NSMCE1: variants seen among roughly 807,000 people sequenced by gnomAD.
The protein encoded by NSMCE1 is NSE1 component of SMC5/6 complex.
Under a neutral mutation model 29.6 loss-of-function variants are expected in NSMCE1, and 18 were observed. The ratio of observed to expected loss-of-function variants is 0.61; its 90% confidence interval spans 0.42 to 0.90. The LOEUF (loss-of-function observed/expected upper bound fraction) is 0.90. Among genes scored for constraint, NSMCE1 ranks in the 40% least tolerant of loss-of-function variants. NSMCE1 has a pLI of 0.00. For missense variants in NSMCE1, 314 were observed against 343.6 expected, an observed-to-expected ratio of 0.91 and a Z score of 0.68; for synonymous variants, 124 against 133.4, an observed-to-expected ratio of 0.93 and a Z score of 0.49.
intron 2 of NSMCE1, among the ~76,000 whole-genome samples, chr16:27,256,182 T>C (rs1032731307): frequency 6.6e-6 from 1 of 152,160 alleles, no homozygotes; most frequent in African/African-American, 2.4e-5. Context: ...ATCTTTTTCT[T>C]TTGAAAATTA....
At chr16:27,258,546 T>G (rs1274534681) in intron 1 of NSMCE1, among the ~76,000 whole-genome samples, 1 of 152,232 alleles carries the variant, frequency 6.6e-6, no homozygotes, top group African/African-American at 2.4e-5. Flanking sequence ...CACTGGTGCC[T>G]TGGGCAAATA....
rs1449608950 is a variant in NSMCE1, at chr16:27,232,564, A to T, written c.483+437T>A. The stretch of plus-strand genomic sequence containing the variant: ...ACCGAGCACATTACTGTGAGGTCCC[A>T]TTCCCGCTCCTGACACACCCAGCCC... On this transcript the variant is annotated intron_variant, in intron 5 of 7. Coordinates refer to ENST00000361439, the MANE Select transcript of NSMCE1 (RefSeq NM_145080.4). The surrounding 1 kb of genome is among the most constrained non-coding windows in gnomAD (Gnocchi z 4.5). Among the ~76,000 whole-genome samples, 1 of 152,222 alleles carries T rather than the reference A, an allele frequency of 6.6e-6. No individual in the cohort carries two copies. Among genetic ancestry groups the T allele is most frequent in the Non-Finnish European group, 1.5e-5 (1 of 68,038 alleles).
intron 2 of NSMCE1, among the ~76,000 whole-genome samples, chr16:27,247,184 T>C (rs1308693349): frequency 6.6e-6 from 1 of 152,198 alleles, no homozygotes; most frequent in African/African-American, 2.4e-5. Flanking sequence ...AATCCAAACA[T>C]GTCATGGGAG....
intron 2 of NSMCE1, among the ~76,000 whole-genome samples, chr16:27,252,894 G>A (rs1275807465): frequency 6.6e-6 from 1 of 152,132 alleles, no homozygotes; most frequent in Non-Finnish European, 1.5e-5. Context: ...ACTCCAGCCT[G>A]GGCGACAAGA....
intron 4 of NSMCE1, 85 bp from the exon 5 acceptor site, chr16:27,233,232 C>G: frequency 8.8e-7 from 1 of 1,142,608 alleles, no homozygotes; most frequent in Non-Finnish European, 1.3e-6. Flanking sequence ...GGCAGAGGCA[C>G]AGTAAAACCA....
chr16:27,240,736 G>A (rs1411984858), intron 2 of NSMCE1, among the ~76,000 whole-genome samples: 1 of 152,188 alleles, frequency 6.6e-6, no homozygotes, highest in Non-Finnish European at 1.5e-5. Flanking sequence ...GAGAGATTTT[G>A]TTTTGGACTA....
intron 2 of NSMCE1, 118 bp from the exon 3 acceptor site, chr16:27,235,417 T>C: frequency 8.7e-7 from 1 of 1,143,856 alleles, no homozygotes; most frequent in Non-Finnish European, 1.3e-6. Flanking sequence ...CAGACATGGG[T>C]GGAGGCTGCA....
chr16:27,228,133 T>A (rs533238534), intron 5 of NSMCE1, among the ~76,000 whole-genome samples: 1 of 151,938 alleles, frequency 6.6e-6, no homozygotes, highest in South Asian at 2.1e-4. Context: ...CCCACCTTCA[T>A]CCCCACAGTG....
intron 3 of NSMCE1, 73 bp from the exon 4 acceptor site, chr16:27,234,338 C>T: frequency 1.0e-6 from 1 of 969,236 alleles, no homozygotes; most frequent in African/African-American, 1.6e-5. Flanking sequence ...GGCTCTCCCT[C>T]CCTCCCCTCC....
intron 2 of NSMCE1, among the ~76,000 whole-genome samples, chr16:27,250,337 T>C (rs2084010990): frequency 6.6e-6 from 1 of 152,250 alleles, no homozygotes; most frequent in Non-Finnish European, 1.5e-5. Context: ...GGGAAAAGTA[T>C]TCAGTCTTTC....
intron 7 of NSMCE1, among the ~76,000 whole-genome samples, chr16:27,225,479 G>A (rs1006229499): frequency 8.5e-5 from 13 of 152,248 alleles, no homozygotes; most frequent in African/African-American, 3.1e-4. Context: ...GCCAGAGAGA[G>A]AGCCTTGTCT....
chr16:27,261,424 G>A (rs1018944271), intron 1 of NSMCE1, among the ~76,000 whole-genome samples: 2 of 151,640 alleles, frequency 1.3e-5, no homozygotes, highest in Admixed American at 1.3e-4. Flanking sequence ...ACAAATATCT[G>A]CAATTAACAT....
At chr16:27,264,738 TA>T (rs1567286558) in intron 1 of NSMCE1, among the ~76,000 whole-genome samples, 2 of 152,244 alleles carry the variant, frequency 1.3e-5, no homozygotes, top group East Asian at 3.9e-4. Context: ...TTAAGAGATA[TA>T]AAAAGTACAG....
intron 5 of NSMCE1, among the ~76,000 whole-genome samples, chr16:27,228,398 AGGCTGTCCTCGGTCCTCAGTCCTAT>A (rs902896897): frequency 2.6e-5 from 4 of 152,016 alleles, no homozygotes; most frequent in Non-Finnish European, 5.9e-5. Context: ...ACCAGCCCCC[AGGCTGTCCTCGGTCCTCAGTCCTAT>A]GGCTGTTACC....
chr16:27,264,405 T>C (rs964087466), intron 1 of NSMCE1, among the ~76,000 whole-genome samples: 2 of 151,974 alleles, frequency 1.3e-5, no homozygotes, highest in Non-Finnish European at 2.9e-5. Context: ...GCACTTCTTA[T>C]AAAGCTAGAG....
chr16:27,257,411 T>C, intron 2 of NSMCE1, 24 bp downstream of exon 2: 1 of 1,594,178 alleles, frequency 6.3e-7, no homozygotes, highest in Non-Finnish European at 8.6e-7. Context: ...CAGAGCGCCC[T>C]GGGAACAGGG....
intron 1 of NSMCE1, among the ~76,000 whole-genome samples, chr16:27,260,668 G>A (rs2084143959): frequency 6.6e-6 from 1 of 151,950 alleles, no homozygotes; most frequent in African/African-American, 2.4e-5. Flanking sequence ...AAACCAGCTT[G>A]AGCAACATGG....
At position 27,232,604 on chromosome 16, in the gene NSMCE1, C is replaced by T. The variant is rs926171422; in HGVS notation, c.483+397G>A. On this transcript the variant is annotated intron_variant, in intron 5 of 7. Transcript: ENST00000361439. The surrounding 1 kb of genome is among the most constrained non-coding windows in gnomAD (Gnocchi z 4.5). ...ACACCCAGCCCCGAAGGGGAAACAA[C>T]GACTCCCCTCTTACAAGGAACATGA... Among the ~76,000 whole-genome samples the T allele has an allele frequency of 2.6e-5, 4 of 152,264 alleles. No homozygotes were observed. Among genetic ancestry groups the T allele is most frequent in the African/African-American group, 7.2e-5 (3 of 41,464 alleles).
At chr16:27,258,592 C>T (rs1445924898) in intron 1 of NSMCE1, among the ~76,000 whole-genome samples, 1 of 152,186 alleles carries the variant, frequency 6.6e-6, no homozygotes, top group Non-Finnish European at 1.5e-5. Context: ...AATGCTCAGC[C>T]TCCCTAAGGC....
Sources: gnomAD v4.1 joint callset for allele counts (sites outside exome capture counted in the v4.1 genomes callset) on GRCh38, gnomAD v4.1.1 for gene constraint, Gnocchi (gnomAD v3.1) non-coding constraint, MANE v1.5 for transcripts, NCBI Gene and HGNC (gene_info 2026-07-23, HGNC 2026-07-21) for gene names.